Variants in SKI observed in about 807,000 individuals in gnomAD.
The protein encoded by SKI is ski oncogene.
SKI carries 23 observed loss-of-function variants against 59.3 expected under a neutral mutation model. That is an observed-to-expected ratio of 0.39 (90% CI 0.28 to 0.55). The LOEUF is 0.55. Among genes scored for constraint, SKI ranks in the 20% least tolerant of loss-of-function variants. The pLI is 0.67. For missense variants in SKI, 1,017 were observed against 1,038.9 expected (o/e 0.98, Z 0.29); for synonymous variants, 673 against 488.6 (o/e 1.38, Z -4.98).
intron 1 of SKI, among the ~76,000 whole-genome samples, chr1:2,282,944 T>C (rs954739418): frequency 7.2e-5 from 11 of 152,204 alleles, no homozygotes; most frequent in African/African-American, 2.7e-4. Context: ...AAGAGGAGGC[T>C]GGGGTCCTGT....
chr1:2,263,584 T>G (rs533254101), intron 1 of SKI, among the ~76,000 whole-genome samples: 1 of 152,186 alleles, frequency 6.6e-6, no homozygotes, highest in South Asian at 2.1e-4. Flanking sequence ...TGTGTTTTTT[T>G]TTCTTCTTCT....
intron 1 of SKI, among the ~76,000 whole-genome samples, chr1:2,276,875 G>A (rs1430217010): frequency 6.6e-6 from 1 of 152,156 alleles, no homozygotes; most frequent in Admixed American, 6.5e-5. Context: ...TTTCTCTTTG[G>A]TTCTGGAATT....
chr1:2,306,113 G>C lies in SKI; in HGVS notation c.1861G>C (p.Ala621Pro). The part of the protein sequence containing the change: ...NLRKEIERLR[A>P]ENEKKMKEAN... ...GCGGAAGGAGATCGAGCGTCTCCGC[G>C]CCGAGAACGAGAAGAAGATGAAAGA... Residue 621 changes from alanine (A) to proline (P), a missense_variant, in exon 6 of 7, where the codon GCC becomes CCC. Physicochemically the swap from Ala to Pro is conservative, Grantham distance 27 (BLOSUM62 -1). Coordinates refer to ENST00000378536, the MANE Select transcript of SKI (RefSeq NM_003036.4). 6.3e-7 allele frequency: 1 copy of C among 1,598,990 alleles called. No homozygotes were observed. The highest frequency in any genetic ancestry group is 1.7e-5 in the Admixed American group (1 of 57,348).
chr1:2,234,173 C>T (rs1017989059), intron 1 of SKI, among the ~76,000 whole-genome samples: 10 of 152,124 alleles, frequency 6.6e-5, no homozygotes, highest in African/African-American at 2.4e-4. Flanking sequence ...TCTTCTCAAG[C>T]AGGGGAAACA....
chr1:2,235,667 C>T (rs979875762), intron 1 of SKI, among the ~76,000 whole-genome samples: 2 of 152,286 alleles, frequency 1.3e-5, no homozygotes, highest in Admixed American at 6.5e-5. Flanking sequence ...CCCAGGGAGC[C>T]TCCAGCTCTG....
At chr1:2,248,861 C>G (rs1251805408) in intron 1 of SKI, among the ~76,000 whole-genome samples, 1 of 152,350 alleles carries the variant, frequency 6.6e-6, no homozygotes, top group East Asian at 1.9e-4. Flanking sequence ...CCTTCCTACT[C>G]TGAGTGTGGG....
chr1:2,245,648 G>A (rs966883904), intron 1 of SKI, among the ~76,000 whole-genome samples: 27 of 151,186 alleles, frequency 1.8e-4, no homozygotes, highest in African/African-American at 6.6e-4. Context: ...GCTGATTTTT[G>A]TATTTTTAGT....
rs145120161 is a variant in SKI at position 2,292,230 on chromosome 1, G to T, written c.970-10748G>T. Among the ~76,000 whole-genome samples, 1,419 of 152,332 alleles carry T rather than the reference G, an allele frequency of 9.3e-3. 19 individuals are homozygous for T. The highest frequency in any genetic ancestry group is 0.032 in the African/African-American group (1,333 of 41,570). ...ACGCCTCCTTGCCCTGCTCAGGGCT[G>T]CACGGGAGTTGCCACGTAGGAGAGC... On this transcript the variant is annotated intron_variant, in intron 1 of 6. Coordinates refer to ENST00000378536, the MANE Select transcript of SKI (RefSeq NM_003036.4).
At position 2,228,997 on chromosome 1, in the gene SKI, C is replaced by A; in HGVS notation, c.231C>A (p.Pro77=). 1 of 1,556,774 alleles carries A rather than the reference C, an allele frequency of 6.4e-7. No homozygotes were observed. Among genetic ancestry groups the A allele is most frequent in the Non-Finnish European group, 8.6e-7 (1 of 1,158,556 alleles). The change falls in exon 1 of 7, where the codon CCC becomes CCA. Residue 77 remains proline (P), a synonymous_variant. Transcript: ENST00000378536. ...AGCCGCCGCCCGTGCTGCACCTGCC[C>A]GCCATCCAGCCGCCGCCGCCCGTGC... ...ATEPPPVLHL[P]AIQPPPPVLP...
rs769242284 is a variant in SKI at position 2,303,957 on chromosome 1, C to CG, written c.1330dup (p.Glu444GlyfsTer44). The stretch of plus-strand genomic sequence containing the variant: ...GTGCCGCCGCCGTCTCCCGGGCCCC[C>CG]GAGCCTCTCGCCACTTGCACCCAGC... On this transcript the variant is annotated frameshift_variant, in exon 4 of 7. Transcript: ENST00000378536. LOFTEE classifies it high-confidence loss of function. This position sits in a 1 kb window ranked among gnomAD's most constrained non-coding sequence, Gnocchi z 5.6. 1.9e-6 allele frequency: 3 copies of CG among 1,611,718 alleles called. No individual in the cohort carries two copies.
chr1:2,230,466 G>T (rs1183396124), intron 1 of SKI, among the ~76,000 whole-genome samples: 1 of 152,218 alleles, frequency 6.6e-6, no homozygotes, highest in Non-Finnish European at 1.5e-5. Flanking sequence ...GGCCTGGTCA[G>T]CAGGCTCCTG....
At chr1:2,284,823 C>G (rs538851082) in intron 1 of SKI, among the ~76,000 whole-genome samples, 2 of 152,242 alleles carry the variant, frequency 1.3e-5, no homozygotes, top group African/African-American at 4.8e-5. Context: ...TGCTGGGGGC[C>G]CCGGTGGCTG....
At chr1:2,289,721 G>A in intron 1 of SKI, among the ~76,000 whole-genome samples, 1 of 152,084 alleles carries the variant, frequency 6.6e-6, no homozygotes, top group Non-Finnish European at 1.5e-5. Context: ...CTTTTGAGAT[G>A]ACCACAGCTC....
rs1640687869 is a variant in SKI, at chr1:2,309,431, C to A, written c.*2666C>A. ...ATGTCTGCTTTTCGTACAGAACTAG[C>A]CAATGTAAAAACAGTTCACCTGTAA... On this transcript the variant is annotated 3_prime_UTR_variant, in exon 7 of 7. Coordinates refer to ENST00000378536, the MANE Select transcript of SKI (RefSeq NM_003036.4). 1 of 152,268 alleles carries A rather than the reference C, an allele frequency of 6.6e-6. No individual in the cohort carries two copies. Among genetic ancestry groups the A allele is most frequent in the Non-Finnish European group, 1.5e-5 (1 of 68,016 alleles). 9.4% of individuals were successfully genotyped at this position (152,268 alleles called of 1,614,324 possible). A position where few individuals can be genotyped will look rare whatever the true frequency, so the allele number is the denominator to read the frequency against.
In SKI at chr1:2,270,801, G is replaced by C. The variant is rs1244284919; in HGVS notation, c.970-32177G>C. Among the ~76,000 whole-genome samples, 1 of 152,188 alleles carries C rather than the reference G, an allele frequency of 6.6e-6. No homozygotes were observed. Among genetic ancestry groups the C allele is most frequent in the Non-Finnish European group, 1.5e-5 (1 of 68,028 alleles). ...GGCTGTTTGGCTGTTGGACATCCTT[G>C]CTGTCCCTTTGCTGGACTCTCCAGA... On this transcript the variant is annotated intron_variant, in intron 1 of 6. Coordinates refer to ENST00000378536, the MANE Select transcript of SKI (RefSeq NM_003036.4). This position sits in a 1 kb window ranked among gnomAD's most constrained non-coding sequence, Gnocchi z 4.1.
At chr1:2,257,795 A>G (rs972515108) in intron 1 of SKI, among the ~76,000 whole-genome samples, 3 of 151,870 alleles carry the variant, frequency 2.0e-5, no homozygotes, top group African/African-American at 4.8e-5. Context: ...CTGGAGTGCA[A>G]TGGTGTGATC....
intron 1 of SKI, among the ~76,000 whole-genome samples, chr1:2,266,086 GA>G (rs2100846016): frequency 1.3e-5 from 2 of 152,276 alleles, no homozygotes; most frequent in South Asian, 4.1e-4. Flanking sequence ...GGTGGGTCTA[GA>G]GCTGGGCTCA....
Position 2,307,203 on chromosome 1 carries a change from C to G in SKI, c.*438C>G, listed in dbSNP as rs537022804. On this transcript the variant is annotated 3_prime_UTR_variant, in exon 7 of 7. Transcript: ENST00000378536. Reference sequence around the variant, plus strand: ...TGGCGGCCGCCCCACCCTCCCCACCCGGGGAAGCCATCACAGCTCATCTGC... The same window carrying G: ...TGGCGGCCGCCCCACCCTCCCCACCGGGGGAAGCCATCACAGCTCATCTGC... The G allele has an allele frequency of 1.3e-5, 2 of 153,292 alleles. No homozygotes were observed. Among genetic ancestry groups the G allele is most frequent in the South Asian group, 2.1e-4 (1 of 4,842 alleles). The allele number at this position is 153,292 out of a possible 1,614,324, so 9.5% of individuals were successfully genotyped here.
chr1:2,279,393 C>T (rs1488759654), intron 1 of SKI, among the ~76,000 whole-genome samples: 3 of 152,216 alleles, frequency 2.0e-5, no homozygotes, highest in South Asian at 2.1e-4. Flanking sequence ...TCCTTCCTGG[C>T]CCTGCTCTCC....
Sources: allele counts gnomAD v4.1 joint callset (sites outside exome capture counted in the v4.1 genomes callset), GRCh38; gene constraint gnomAD v4.1.1; non-coding constraint Gnocchi (gnomAD v3.1); transcripts MANE v1.5; gene names NCBI Gene and HGNC (gene_info 2026-07-23, HGNC 2026-07-21).